ADGRL3: variants seen among roughly 807,000 people sequenced by gnomAD.
ADGRL3 encodes the protein calcium-independent alpha-latrotoxin receptor 3.
ADGRL3 carries 62 observed loss-of-function variants against 153.5 expected under a neutral mutation model. The observed-to-expected ratio is 0.40, with a 90% CI of 0.33 to 0.50. The LOEUF (loss-of-function observed/expected upper bound fraction) is 0.50. Among genes scored for constraint, ADGRL3 ranks in the 20% least tolerant of loss-of-function variants. The pLI is 0.47. For missense variants in ADGRL3, 1,641 were observed against 1,859.4 expected, an observed-to-expected ratio of 0.88 and a Z score of 2.16; for synonymous variants, 710 against 672.5, an observed-to-expected ratio of 1.06 and a Z score of -0.86.
chr4:61,503,364 T>G (rs1274846129), intron 3 of ADGRL3, among the ~76,000 whole-genome samples: 3 of 152,136 alleles, frequency 2.0e-5, no homozygotes, highest in African/African-American at 7.2e-5. Flanking sequence ...TGCTTGTAAT[T>G]TATCCTATTT....
chr4:61,894,319 A>T (rs1256818604), intron 10 of ADGRL3, among the ~76,000 whole-genome samples: 1 of 152,166 alleles, frequency 6.6e-6, no homozygotes, highest in Non-Finnish European at 1.5e-5. Context: ...ATGGTATAGG[A>T]AATGGTGGGT....
intron 2 of ADGRL3, among the ~76,000 whole-genome samples, chr4:61,444,557 C>T (rs1379166): frequency 0.93 from 141,720 of 152,138 alleles, 66,853 homozygotes; most frequent in East Asian, 1. Context: ...CCTTTATCAT[C>T]CACTTAAAAA....
At chr4:61,367,272 A>G (rs911161753) in intron 1 of ADGRL3, among the ~76,000 whole-genome samples, 2 of 151,230 alleles carry the variant, frequency 1.3e-5, no homozygotes, top group Non-Finnish European at 2.9e-5. Context: ...GTTTTAGGGT[A>G]CATGTGCACA....
intron 5 of ADGRL3, among the ~76,000 whole-genome samples, chr4:61,635,336 C>A (rs1006287047): frequency 6.6e-6 from 1 of 152,022 alleles, no homozygotes; most frequent in Non-Finnish European, 1.5e-5. Context: ...ATCTTCCATT[C>A]GGGGAGGGAG....
chr4:61,345,871 T>C (rs1346351795), intron 1 of ADGRL3, among the ~76,000 whole-genome samples: 2 of 152,164 alleles, frequency 1.3e-5, no homozygotes, highest in Non-Finnish European at 2.9e-5. Flanking sequence ...TTGCATGAGT[T>C]GTAGATTTTT....
At chr4:61,344,720 A>G (rs1394607257) in intron 1 of ADGRL3, among the ~76,000 whole-genome samples, 2 of 152,160 alleles carry the variant, frequency 1.3e-5, no homozygotes, top group Non-Finnish European at 2.9e-5. Flanking sequence ...TGTAAATCAT[A>G]GCTCTATAGA....
chr4:61,207,766 T>C (rs965146851), intron 1 of ADGRL3, among the ~76,000 whole-genome samples: 8 of 152,272 alleles, frequency 5.3e-5, no homozygotes, highest in South Asian at 2.1e-4. Context: ...TGGTCTCTCA[T>C]TGTGGTTTTG....
intron 13 of ADGRL3, among the ~76,000 whole-genome samples, chr4:61,923,445 G>GA (rs1376322369): frequency 2.7e-5 from 4 of 150,522 alleles, no homozygotes; most frequent in African/African-American, 7.5e-5. Flanking sequence ...TGCCCTTATA[G>GA]AAAAAAATCC....
At chr4:61,783,828 ATTTAT>A (rs1316209291) in intron 8 of ADGRL3, among the ~76,000 whole-genome samples, 1 of 152,092 alleles carries the variant, frequency 6.6e-6, no homozygotes, top group South Asian at 2.1e-4. Context: ...CATCATGTGG[ATTTAT>A]TTTTATTTAA....
At chr4:61,693,473 G>T (rs897566388) in intron 6 of ADGRL3, among the ~76,000 whole-genome samples, 2 of 151,776 alleles carry the variant, frequency 1.3e-5, no homozygotes, top group Non-Finnish European at 2.9e-5. Context: ...AAATCACCAA[G>T]AAGTTTTAAA....
intron 6 of ADGRL3, among the ~76,000 whole-genome samples, chr4:61,678,035 A>G (rs2095250003): frequency 1.3e-5 from 2 of 152,054 alleles, no homozygotes; most frequent in Admixed American, 1.3e-4. Context: ...CTTCATTGTT[A>G]TGAAAAATCC....
At chr4:61,476,733 A>C (rs867984434) in intron 2 of ADGRL3, among the ~76,000 whole-genome samples, 1,637 of 147,972 alleles carry the variant, frequency 0.011, 14 homozygotes, top group Non-Finnish European at 0.017. Flanking sequence ...AAAAAAAAAA[A>C]AAAAACAAAA....
intron 1 of ADGRL3, among the ~76,000 whole-genome samples, chr4:61,212,433 AC>A (rs1157261798): frequency 6.6e-6 from 1 of 152,176 alleles, no homozygotes; most frequent in Admixed American, 6.5e-5. Flanking sequence ...AGCATGGATA[AC>A]TTTATAATTG....
At chr4:61,223,520 T>C (rs1439861308) in intron 1 of ADGRL3, among the ~76,000 whole-genome samples, 2 of 152,194 alleles carry the variant, frequency 1.3e-5, no homozygotes, top group South Asian at 2.1e-4. Flanking sequence ...TAGAACCAGA[T>C]TGGTGAGTGG....
intron 2 of ADGRL3, among the ~76,000 whole-genome samples, chr4:61,388,815 G>T (rs1444406531): frequency 6.6e-6 from 1 of 152,120 alleles, no homozygotes; most frequent in Non-Finnish European, 1.5e-5. Flanking sequence ...AGTCTTCCCA[G>T]TTATTCATGT....
chr4:61,862,192 G>A (rs1320984260), intron 9 of ADGRL3, among the ~76,000 whole-genome samples: 1 of 152,118 alleles, frequency 6.6e-6, no homozygotes, highest in African/African-American at 2.4e-5. Flanking sequence ...ACCATGACAT[G>A]GGTCTTTCCA....
chr4:61,382,567 T>C (rs2096683235), intron 1 of ADGRL3, among the ~76,000 whole-genome samples: 1 of 151,846 alleles, frequency 6.6e-6, no homozygotes, highest in Admixed American at 6.6e-5. Context: ...TAAATAAACT[T>C]ACATTTCTGT....
chr4:61,827,606 T>C (rs2097822985), intron 9 of ADGRL3, among the ~76,000 whole-genome samples: 1 of 152,192 alleles, frequency 6.6e-6, no homozygotes, highest in Non-Finnish European at 1.5e-5. Context: ...GGATATTTCA[T>C]AAAATGCTCT....
chr4:61,976,921 A>C (rs2099050144), intron 17 of ADGRL3, among the ~76,000 whole-genome samples: 1 of 152,156 alleles, frequency 6.6e-6, no homozygotes, highest in South Asian at 2.1e-4. Context: ...ATTGAGTTGT[A>C]TTTGATGAGT....
Sources: gnomAD v4.1 joint callset for allele counts (sites outside exome capture counted in the v4.1 genomes callset) on GRCh38, gnomAD v4.1.1 for gene constraint, MANE v1.5 for transcripts, NCBI Gene and HGNC (gene_info 2026-07-23, HGNC 2026-07-21) for gene names.